ROBO1: variants seen among roughly 807,000 people sequenced by gnomAD.
ROBO1 encodes the protein roundabout homolog 1.
In ROBO1, 149 loss-of-function variants were observed where a neutral mutation model predicts 195.9. The ratio of observed to expected loss-of-function variants is 0.76; its 90% CI spans 0.67 to 0.87. The LOEUF (loss-of-function observed/expected upper bound fraction) is 0.87, where lower values mean the gene tolerates loss of function less well. Among genes scored for constraint, ROBO1 ranks in the 40% least tolerant of loss-of-function variants. The pLI is 0.00. For missense variants in ROBO1, 1,933 were observed against 2,068.3 expected (o/e 0.93, Z 1.27); for synonymous variants, 816 against 733.2 (o/e 1.11, Z -1.82).
intron 2 of ROBO1, among the ~76,000 whole-genome samples, chr3:79,534,236 G>A (rs1941770741): frequency 6.7e-6 from 1 of 149,808 alleles, no homozygotes; most frequent in Non-Finnish European, 1.5e-5. Flanking sequence ...CCTTGATTTT[G>A]GCCTGTCGAG....
At chr3:79,151,273 A>C (rs2080763779) in intron 2 of ROBO1, among the ~76,000 whole-genome samples, 1 of 151,742 alleles carries the variant, frequency 6.6e-6, no homozygotes, top group Non-Finnish European at 1.5e-5. Flanking sequence ...CTAATAATAC[A>C]TACATGCCAA....
intron 3 of ROBO1, among the ~76,000 whole-genome samples, chr3:79,101,915 G>A (rs1388288954): frequency 6.6e-6 from 1 of 151,770 alleles, no homozygotes; most frequent in East Asian, 1.9e-4. Flanking sequence ...TGTCAAACAA[G>A]TTTCATGTGA....
In ROBO1 at chr3:79,571,969, A is replaced by G. The variant is rs554926781; in HGVS notation, c.88+17855T>C. The stretch of plus-strand genomic sequence containing the variant: ...AGACTAGAAAAAAAAAATTAAGTGG[A>G]ATTAAAAAACACTATTTAACATGGA... On this transcript the variant is annotated intron_variant, in intron 2 of 30. Transcript: ENST00000464233. Among the ~76,000 whole-genome samples, 60 of 152,260 alleles carry G rather than the reference A, an allele frequency of 3.9e-4. 1 individual carries two copies. The highest frequency in any genetic ancestry group is 1.7e-3 in the South Asian group (8 of 4,832).
intron 2 of ROBO1, among the ~76,000 whole-genome samples, chr3:79,127,469 AAC>A (rs2108577589): frequency 6.6e-6 from 1 of 152,348 alleles, no homozygotes; most frequent in Non-Finnish European, 1.5e-5. Context: ...ATTTTTTAGT[AAC>A]ACAATGCAGA....
chr3:78,751,006 T>C (rs923844022), intron 4 of ROBO1, among the ~76,000 whole-genome samples: 1 of 152,174 alleles, frequency 6.6e-6, no homozygotes, highest in Non-Finnish European at 1.5e-5. Flanking sequence ...ATCTAATCCA[T>C]TGTATTTCCA....
rs2081261149 is a variant in ROBO1 at position 78,695,236 on chromosome 3, T to C, written c.1046-6464A>G. On this transcript the variant is annotated intron_variant, in intron 8 of 30. Coordinates refer to ENST00000464233, the MANE Select transcript of ROBO1 (RefSeq NM_002941.4). Reference sequence around the variant, plus strand: ...ATACATATGTAACAAACCTGCACGTTGTACACAAGTACCCTATAACTTAAA... The same window carrying C: ...ATACATATGTAACAAACCTGCACGTCGTACACAAGTACCCTATAACTTAAA... 2.0e-5 allele frequency among the ~76,000 whole-genome samples: 3 copies of C among 152,250 alleles called. No individual in the cohort carries two copies. The South Asian group carries it at 6.2e-4, about 32-fold the overall frequency.
At chr3:79,072,248 A>G (rs1289074015) in intron 3 of ROBO1, among the ~76,000 whole-genome samples, 1 of 151,928 alleles carries the variant, frequency 6.6e-6, no homozygotes, top group Non-Finnish European at 1.5e-5. Flanking sequence ...TAGACATGTC[A>G]TAGAAACTCC....
chr3:79,628,040 C>T (rs6548635), intron 1 of ROBO1, among the ~76,000 whole-genome samples: 132,252 of 152,142 alleles, frequency 0.87, 57,537 homozygotes, highest in East Asian at 0.9. Flanking sequence ...TTGGTGGGAA[C>T]GTAAGTTAGT....
chr3:79,342,802 A>G (rs772477604), intron 2 of ROBO1, among the ~76,000 whole-genome samples: 10 of 152,186 alleles, frequency 6.6e-5, no homozygotes, highest in African/African-American at 2.4e-4. Flanking sequence ...CAGTATCAAC[A>G]TCCCTTATCA....
intron 8 of ROBO1, among the ~76,000 whole-genome samples, chr3:78,690,976 T>G (rs77451460): frequency 0.012 from 1,776 of 152,254 alleles, 14 homozygotes; most frequent in Non-Finnish European, 0.017. Flanking sequence ...GAAGCAATCC[T>G]TCCACACAGG....
rs201160469 is a variant in ROBO1 at position 78,639,758 on chromosome 3, G to A, written c.3023C>T (p.Thr1008Ile). Residue 1008 changes from threonine to isoleucine, a missense_variant, in exon 22 of 31, where the codon ACC becomes ATC. Transcript: ENST00000464233. ...GNGNSDSNLT[T>I]YSRPADCIAN... Reference sequence around the variant, plus strand: ...GTGTCCCTAACCTGGGCGACTGTAGGTAGTGAGGTTGCTGTCGCTGTTTCC... The same window carrying A: ...GTGTCCCTAACCTGGGCGACTGTAGATAGTGAGGTTGCTGTCGCTGTTTCC... 13 of 1,613,242 alleles carry A rather than the reference G, an allele frequency of 8.1e-6. No homozygotes were observed. The highest frequency in any genetic ancestry group is 1.1e-5 in the Non-Finnish European group (13 of 1,179,450).
At chr3:79,580,086 G>C (rs1012633846) in intron 2 of ROBO1, among the ~76,000 whole-genome samples, 2 of 152,100 alleles carry the variant, frequency 1.3e-5, no homozygotes, top group Non-Finnish European at 2.9e-5. Context: ...CATATACAAG[G>C]AATTCAGTCA....
At chr3:79,534,154 A>G (rs1342520976) in intron 2 of ROBO1, among the ~76,000 whole-genome samples, 2 of 140,492 alleles carry the variant, frequency 1.4e-5, no homozygotes, top group African/African-American at 5.8e-5. Flanking sequence ...AAGGCAAAAA[A>G]AAAAAAAAAA....
intron 1 of ROBO1, among the ~76,000 whole-genome samples, chr3:79,598,959 A>G (rs1476280142): frequency 2.0e-5 from 3 of 152,024 alleles, no homozygotes; most frequent in Admixed American, 2.0e-4. Flanking sequence ...GCATTCGAGA[A>G]AGCCAGGACT....
chr3:79,378,211 C>T (rs925973955), intron 2 of ROBO1, among the ~76,000 whole-genome samples: 1 of 152,040 alleles, frequency 6.6e-6, no homozygotes, highest in Non-Finnish European at 1.5e-5. Flanking sequence ...TTCTCTCTCT[C>T]TCTGTCTCTC....
chr3:79,406,438 G>GATA (rs1264459833), intron 2 of ROBO1, among the ~76,000 whole-genome samples: 8 of 151,256 alleles, frequency 5.3e-5, no homozygotes, highest in East Asian at 1.9e-4. Flanking sequence ...CTCAAAAAAA[G>GATA]ATAATAATAA....
chr3:78,683,908 TA>T (rs144397138), intron 10 of ROBO1, among the ~76,000 whole-genome samples: 81 of 147,838 alleles, frequency 5.5e-4, no homozygotes, highest in East Asian at 3.9e-4. Flanking sequence ...ACACTAATCA[TA>T]AAAAAAAAAT....
rs111826529 is a variant in ROBO1, at chr3:79,581,807, C to T, written c.88+8017G>A. Among the ~76,000 whole-genome samples, 636 of 152,128 alleles carry T rather than the reference C, an allele frequency of 4.2e-3. 3 individuals are homozygous for T. The highest frequency in any genetic ancestry group is 0.015 in the African/African-American group (611 of 41,520). On this transcript the variant is annotated intron_variant, in intron 2 of 30. Coordinates refer to ENST00000464233, the MANE Select transcript of ROBO1 (RefSeq NM_002941.4). Reference sequence around the variant, plus strand: ...GAATGAAAGAACTTTAAAAAAATTACTGTTTCAATAAACAAATACAGGGTA... The same window carrying T: ...GAATGAAAGAACTTTAAAAAAATTATTGTTTCAATAAACAAATACAGGGTA...
chr3:78,814,485 T>G (rs905421615), intron 4 of ROBO1, among the ~76,000 whole-genome samples: 1 of 151,820 alleles, frequency 6.6e-6, no homozygotes, highest in African/African-American at 2.4e-5. Flanking sequence ...GTGGCCAGAG[T>G]CTACCTTATT....
Sources: allele counts gnomAD v4.1 joint callset (sites outside exome capture counted in the v4.1 genomes callset), GRCh38; gene constraint gnomAD v4.1.1; transcripts MANE v1.5; gene names NCBI Gene and HGNC (gene_info 2026-07-23, HGNC 2026-07-21).